RPN2: variants seen among roughly 807,000 people sequenced by gnomAD.
RPN2 encodes ribophorin II.
A neutral mutation model predicts 71.4 loss-of-function variants in RPN2; 29 were observed. The observed-to-expected ratio is 0.41, with a 90% confidence interval of 0.30 to 0.55. The LOEUF (loss-of-function observed/expected upper bound fraction) is 0.55, where lower values mean the gene tolerates loss of function less well. RPN2 is among the 20% of genes least tolerant of loss of function. The probability of loss-of-function intolerance (pLI) is 0.35; values close to 1 mark genes in which losing one functional copy is unlikely to be tolerated. For synonymous variants in RPN2, 308 were observed against 305.0 expected (o/e 1.01, Z -0.10); for missense variants, 726 against 774.1 (o/e 0.94, Z 0.74).
intron 12 of RPN2, among the ~76,000 whole-genome samples, chr20:37,229,511 T>C (rs1178209519): frequency 6.6e-6 from 1 of 152,096 alleles, no homozygotes; most frequent in Non-Finnish European, 1.5e-5. Flanking sequence ...GGTGGTTGAC[T>C]CACTTTGCAA....
At chr20:37,202,404 T>C (rs1049549552) in intron 4 of RPN2, among the ~76,000 whole-genome samples, 10 of 152,242 alleles carry the variant, frequency 6.6e-5, no homozygotes, top group African/African-American at 2.2e-4. Flanking sequence ...TAAATTGTTA[T>C]GTTCTTGACA....
intron 3 of RPN2, 49 bp downstream of exon 3, chr20:37,198,541 A>G (rs1294740266): frequency 6.2e-7 from 1 of 1,613,504 alleles, no homozygotes; most frequent in Middle Eastern, 1.7e-4. Context: ...TTTAAAGTAC[A>G]TTTTTAAAGG....
At chr20:37,180,823 G>C (rs1054887798) in intron 1 of RPN2, among the ~76,000 whole-genome samples, 1 of 152,162 alleles carries the variant, frequency 6.6e-6, no homozygotes, top group Non-Finnish European at 1.5e-5. Flanking sequence ...CCCAACTGGT[G>C]TCCCCTGCTC....
chr20:37,236,430 A>T, intron 15 of RPN2, 150 bp from the exon 16 acceptor site: 1 of 818,470 alleles, frequency 1.2e-6, no homozygotes, highest in Non-Finnish European at 2.0e-6. Context: ...TGAGTTAGCT[A>T]CTTTTTGGCA....
intron 2 of RPN2, among the ~76,000 whole-genome samples, chr20:37,194,405 G>A (rs1427350866): frequency 3.9e-5 from 6 of 152,076 alleles, no homozygotes; most frequent in Admixed American, 3.9e-4. Flanking sequence ...GGGACTACAG[G>A]TGCACACCCC....
chr20:37,217,742 T>G (rs774208253), intron 9 of RPN2, among the ~76,000 whole-genome samples: 1 of 105,854 alleles, frequency 9.4e-6, no homozygotes, highest in Non-Finnish European at 2.1e-5. Context: ...TCTTTTTTCT[T>G]TTTTTGAGAT....
intron 9 of RPN2, among the ~76,000 whole-genome samples, chr20:37,217,433 C>T (rs1568987077): frequency 6.6e-6 from 1 of 151,900 alleles, no homozygotes; most frequent in Non-Finnish European, 1.5e-5. Flanking sequence ...GCTGGGGCTA[C>T]AGGCACGCGC....
Position 37,236,638 on chromosome 20 carries a change from G to C in RPN2, c.1812G>C (p.Lys604Asn). 1 of 1,614,052 alleles carries C rather than the reference G, an allele frequency of 6.2e-7. No individual in the cohort carries two copies. The highest frequency in any genetic ancestry group is 8.5e-7 in the Non-Finnish European group (1 of 1,179,912). ...WTQLNMFQTL[K>N]YLAILGSVTF... ...AGCTCAACATGTTCCAGACCTTGAAGTACCTGGCCATCCTGGGCAGTGTGA... is the reference window on the plus strand; with the variant it reads ...AGCTCAACATGTTCCAGACCTTGAACTACCTGGCCATCCTGGGCAGTGTGA... Residue 604 changes from lysine (K) to asparagine (N), a missense_variant, in exon 16 of 17, where the codon AAG becomes AAC. Transcript: ENST00000237530.
At chr20:37,208,873 T>C (rs2067584600) in intron 7 of RPN2, among the ~76,000 whole-genome samples, 1 of 152,252 alleles carries the variant, frequency 6.6e-6, no homozygotes, top group African/African-American at 2.4e-5. Flanking sequence ...AGTTCTACTT[T>C]GGTGGCCCCT....
chr20:37,230,040 C>G lies in RPN2; in HGVS notation c.1562C>G (p.Thr521Ser), dbSNP rs1307782660. ...ACTGTCTTGTCCCAGAACCTTTTCA[C>G]TCCAAAACAGGAAATTCAGGTATAT... ...PSTVLSQNLF[T>S]PKQEIQHLFR... The change falls in exon 13 of 17, where the codon ACT becomes AGT. Residue 521 changes from threonine to serine, a missense_variant. Coordinates refer to ENST00000237530, the MANE Select transcript of RPN2 (RefSeq NM_002951.5). The G allele has an allele frequency of 1.9e-6, 3 of 1,614,110 alleles. No individual in the cohort carries two copies. Among genetic ancestry groups the G allele is most frequent in the African/African-American group, 1.3e-5 (1 of 75,038 alleles).
chr20:37,195,528 AG>A (rs1263056981), intron 2 of RPN2, among the ~76,000 whole-genome samples: 2 of 152,196 alleles, frequency 1.3e-5, no homozygotes, highest in African/African-American at 2.4e-5. Context: ...ATAATGCCTC[AG>A]TTTTCTTACC....
chr20:37,228,564 C>A lies in RPN2; in HGVS notation c.1314C>A (p.Leu438=), dbSNP rs763099542. 6.2e-7 allele frequency: 1 copy of A among 1,614,130 alleles called. No individual in the cohort carries two copies. The highest frequency in any genetic ancestry group is 1.3e-5 in the African/African-American group (1 of 75,048). ...CTTCCATCTAGACATTTGTCCGACT[C>A]CATAACCAGAAGACTGGCCAGGAAG... is the stretch of plus-strand genomic sequence containing the variant. ...ELTPHQTFVR[L]HNQKTGQEVV... Residue 438 remains leucine, a synonymous_variant, in exon 12 of 17, where the codon CTC becomes CTA. Coordinates refer to ENST00000237530, the MANE Select transcript of RPN2 (RefSeq NM_002951.5).
At chr20:37,235,811 T>C (rs6032233) in intron 15 of RPN2, among the ~76,000 whole-genome samples, 126,088 of 151,768 alleles carry the variant, frequency 0.83, 53,282 homozygotes, top group African/African-American at 0.96. Context: ...CCACCACACC[T>C]GGCTAATTTT....
At chr20:37,180,093 AATTTCAT>A (rs1319282812) in intron 1 of RPN2, among the ~76,000 whole-genome samples, 1 of 152,172 alleles carries the variant, frequency 6.6e-6, no homozygotes, top group Non-Finnish European at 1.5e-5. Context: ...TGCAGGGTGG[AATTTCAT>A]GTAGCCTCAT....
chr20:37,212,917 G>A lies in RPN2; in HGVS notation c.987-843G>A, dbSNP rs6017528. Among the ~76,000 whole-genome samples the A allele has an allele frequency of 4.9e-3, 751 of 152,226 alleles. 8 individuals are homozygous for A. Among genetic ancestry groups the A allele is most frequent in the African/African-American group, 0.017 (712 of 41,522 alleles). On this transcript the variant is annotated intron_variant, in intron 8 of 16. Transcript: ENST00000237530. ...TTAAAAAGCAAAATCATTTTTAGGC[G>A]TGTCAATGGAGTGGTAAAAGACATT...
intron 11 of RPN2, among the ~76,000 whole-genome samples, chr20:37,226,348 A>G (rs1384220803): frequency 6.6e-6 from 1 of 152,148 alleles, no homozygotes. Flanking sequence ...GTGGGATTAT[A>G]AGCATGGCAC....
intron 9 of RPN2, among the ~76,000 whole-genome samples, chr20:37,215,763 G>A (rs1393633721): frequency 6.6e-6 from 1 of 151,994 alleles, no homozygotes; most frequent in Admixed American, 6.5e-5. Flanking sequence ...GTATTTTTAG[G>A]TTTTAGTAAT....
At chr20:37,180,614 C>T (rs142655686) in intron 1 of RPN2, among the ~76,000 whole-genome samples, 190 of 152,268 alleles carry the variant, frequency 1.2e-3, no homozygotes, top group African/African-American at 4.5e-3. Flanking sequence ...GGGTACCCGC[C>T]TGTGCACAAG....
chr20:37,241,599 T>C lies in RPN2; in HGVS notation c.*284T>C, dbSNP rs1256638393. On this transcript the variant is annotated 3_prime_UTR_variant, in exon 17 of 17. Transcript: ENST00000237530. ...GTTGAAATGTGTAATTGTTTTGGAA[T>C]AAAGAGGGTAACAATAGGAACAAAG... is the stretch of plus-strand genomic sequence containing the variant. The C allele has an allele frequency of 1.9e-5, 9 of 467,940 alleles. No homozygotes were observed. The highest frequency in any genetic ancestry group is 3.1e-5 in the Non-Finnish European group (8 of 257,114). 29.0% of individuals were successfully genotyped at this position (467,940 alleles called of 1,614,324 possible).
Sources: allele counts gnomAD v4.1 joint callset (sites outside exome capture counted in the v4.1 genomes callset), GRCh38; gene constraint gnomAD v4.1.1; transcripts MANE v1.5; gene names NCBI Gene and HGNC (gene_info 2026-07-23, HGNC 2026-07-21).